GADL1: variants seen among roughly 807,000 people sequenced by gnomAD.
GADL1 encodes the protein acidic amino acid decarboxylase GADL1.
Under a neutral mutation model 69.5 loss-of-function variants are expected in GADL1, and 71 were observed. The ratio of observed to expected loss-of-function variants is 1.02; its 90% CI spans 0.84 to 1.25. The LOEUF is 1.25. GADL1 is among the 50% of genes most tolerant of loss of function. GADL1 has a pLI of 0.00. For missense variants in GADL1, 737 were observed against 631.8 expected (o/e 1.17, Z -1.79); for synonymous variants, 254 against 214.4 (o/e 1.18, Z -1.62).
intron 4 of GADL1, among the ~76,000 whole-genome samples, chr3:30,852,286 G>A (rs1028714699): frequency 2.0e-5 from 3 of 152,042 alleles, no homozygotes; most frequent in African/African-American, 7.2e-5. Flanking sequence ...AGTTCAAGGC[G>A]GGTGGATCAT....
In GADL1 at chr3:30,813,749, A is replaced by G. The variant is rs190806053; in HGVS notation, c.1051-12661T>C. 7.9e-5 allele frequency among the ~76,000 whole-genome samples: 12 copies of G among 152,344 alleles called. No individual in the cohort carries two copies. The East Asian group carries it at 1.9e-3, about 24-fold the overall frequency. The stretch of plus-strand genomic sequence containing the variant: ...CCCTGGTCGTCTTTGTATAAATCCC[A>G]TTGAAGATTTGTGGGATATTACTGA... On this transcript the variant is annotated intron_variant, in intron 11 of 14. Transcript: ENST00000282538.
chr3:30,753,363 A>C (rs1161242475), intron 14 of GADL1, among the ~76,000 whole-genome samples: 2 of 152,176 alleles, frequency 1.3e-5, no homozygotes, highest in African/African-American at 2.4e-5. Flanking sequence ...TATGTCTTTG[A>C]AAATATCCAT....
At chr3:30,760,501 TAA>T (rs1299389737) in intron 14 of GADL1, among the ~76,000 whole-genome samples, 1 of 152,176 alleles carries the variant, frequency 6.6e-6, no homozygotes, top group Admixed American at 6.5e-5. Flanking sequence ...ACATCTTACA[TAA>T]AACTCTCCAA....
intron 14 of GADL1, among the ~76,000 whole-genome samples, chr3:30,744,756 T>C (rs1695675757): frequency 6.6e-6 from 1 of 152,162 alleles, no homozygotes; most frequent in African/African-American, 2.4e-5. Flanking sequence ...TTTTAGACTT[T>C]GCAGGCCATA....
intron 1 of GADL1, among the ~76,000 whole-genome samples, chr3:30,889,241 C>G (rs1017528762): frequency 6.6e-6 from 1 of 152,094 alleles, no homozygotes; most frequent in African/African-American, 2.4e-5. Flanking sequence ...TGGAACTGCC[C>G]TTTATAAAAC....
intron 14 of GADL1, among the ~76,000 whole-genome samples, chr3:30,762,750 C>T (rs1202776750): frequency 6.6e-6 from 1 of 152,138 alleles, no homozygotes; most frequent in South Asian, 2.1e-4. Context: ...TCCCAGACCC[C>T]CACTATCCTT....
chr3:30,808,887 G>A lies in GADL1; in HGVS notation c.1051-7799C>T, dbSNP rs186334821. Among the ~76,000 whole-genome samples, 731 of 152,160 alleles carry A rather than the reference G, an allele frequency of 4.8e-3. 1 individual carries two copies. The highest frequency in any genetic ancestry group is 6.7e-3 in the Non-Finnish European group (459 of 68,016). Reference sequence around the variant, plus strand: ...TGAGAGCAGGTCATCAAAATAATTCGAAAACTCACCATCTTTGCACTTATG... The same window carrying A: ...TGAGAGCAGGTCATCAAAATAATTCAAAAACTCACCATCTTTGCACTTATG... On this transcript the variant is annotated intron_variant, in intron 11 of 14. Transcript: ENST00000282538.
At chr3:30,768,666 T>C (rs1696345872) in intron 14 of GADL1, among the ~76,000 whole-genome samples, 2 of 152,016 alleles carry the variant, frequency 1.3e-5, no homozygotes, top group African/African-American at 2.4e-5. Context: ...TGGAAAAGTT[T>C]GCTTTGGAGA....
At chr3:30,811,862 T>G (rs1479055214) in intron 11 of GADL1, among the ~76,000 whole-genome samples, 1 of 152,222 alleles carries the variant, frequency 6.6e-6, no homozygotes, top group Non-Finnish European at 1.5e-5. Context: ...ACCAGAATTT[T>G]CAGTGTGAAG....
intron 12 of GADL1, among the ~76,000 whole-genome samples, chr3:30,791,514 C>T (rs1696915210): frequency 6.6e-6 from 1 of 152,176 alleles, no homozygotes; most frequent in Non-Finnish European, 1.5e-5. Flanking sequence ...CTACACAAAA[C>T]TTGCATGTAT....
chr3:30,755,074 C>A (rs1189491111), intron 14 of GADL1, among the ~76,000 whole-genome samples: 1 of 152,150 alleles, frequency 6.6e-6, no homozygotes, highest in African/African-American at 2.4e-5. Context: ...TTAGCCTACC[C>A]AGGGACAACG....
chr3:30,745,244 G>A (rs774416847), intron 14 of GADL1, among the ~76,000 whole-genome samples: 15 of 152,212 alleles, frequency 9.9e-5, no homozygotes, highest in Non-Finnish European at 2.1e-4. Flanking sequence ...GTTAATGAAT[G>A]AGGTCAAACA....
At chr3:30,731,149 G>C (rs1291255943) in intron 14 of GADL1, among the ~76,000 whole-genome samples, 1 of 152,204 alleles carries the variant, frequency 6.6e-6, no homozygotes, top group African/African-American at 2.4e-5. Flanking sequence ...AAGGGCCACA[G>C]ACTATCAGTT....
At chr3:30,753,162 G>A (rs549655425) in intron 14 of GADL1, among the ~76,000 whole-genome samples, 152 of 152,156 alleles carry the variant, frequency 1.0e-3, no homozygotes, top group African/African-American at 2.7e-3. Context: ...GTAACCTTGC[G>A]AAATATTAAC....
intron 12 of GADL1, among the ~76,000 whole-genome samples, chr3:30,796,379 AG>A (rs1697033110): frequency 6.6e-6 from 1 of 152,136 alleles, no homozygotes; most frequent in Non-Finnish European, 1.5e-5. Context: ...TCTCTAACAA[AG>A]GTACCTTCAT....
chr3:30,863,147 C>A (rs1027007111), intron 1 of GADL1, among the ~76,000 whole-genome samples: 1 of 151,846 alleles, frequency 6.6e-6, no homozygotes, highest in African/African-American at 2.4e-5. Flanking sequence ...CCTTAAAAAG[C>A]AGCAGCGATA....
intron 13 of GADL1, among the ~76,000 whole-genome samples, chr3:30,780,267 C>A (rs1172036343): frequency 1.3e-5 from 2 of 152,148 alleles, no homozygotes; most frequent in Non-Finnish European, 2.9e-5. Flanking sequence ...GCACTCCAGA[C>A]TAGATTTCTA....
At chr3:30,889,133 C>T (rs1416708649) in intron 1 of GADL1, among the ~76,000 whole-genome samples, 2 of 123,926 alleles carry the variant, frequency 1.6e-5, no homozygotes, top group East Asian at 5.5e-4. Flanking sequence ...AATGGACTCA[C>T]AGTTCCACAT....
chr3:30,811,625 A>C (rs1697356708), intron 11 of GADL1, among the ~76,000 whole-genome samples: 1 of 152,228 alleles, frequency 6.6e-6, no homozygotes. Context: ...AATTTCATGG[A>C]ATAGTACACA....
Sources: allele counts gnomAD v4.1 joint callset (sites outside exome capture counted in the v4.1 genomes callset), GRCh38; gene constraint gnomAD v4.1.1; transcripts MANE v1.5; gene names NCBI Gene and HGNC (gene_info 2026-07-23, HGNC 2026-07-21).